The following SLC8A1 variants were observed in gnomAD, a reference collection of about 807,000 sequenced individuals.
SLC8A1 encodes the protein solute carrier family 8 member A1.
SLC8A1 carries 18 observed loss-of-function variants against 68.3 expected under a neutral mutation model. The observed-to-expected ratio is 0.26, with a 90% confidence interval of 0.18 to 0.39. The LOEUF (loss-of-function observed/expected upper bound fraction) is 0.39, where lower values mean the gene tolerates loss of function less well. Among genes scored for constraint, SLC8A1 ranks in the 10% least tolerant of loss-of-function variants. The pLI is 1.00. For synonymous variants in SLC8A1, 475 were observed against 415.5 expected, an observed-to-expected ratio of 1.14 and a Z score of -1.74; for missense variants, 985 against 1,156.7, an observed-to-expected ratio of 0.85 and a Z score of 2.15.
At chr2:40,324,392 G>C (rs1389963321) in intron 2 of SLC8A1, among the ~76,000 whole-genome samples, 3 of 152,114 alleles carry the variant, frequency 2.0e-5, no homozygotes, top group Non-Finnish European at 4.4e-5. Context: ...CTATTTCAGA[G>C]GCACTTCCTA....
At chr2:40,347,039 A>C (rs929990492) in intron 2 of SLC8A1, among the ~76,000 whole-genome samples, 1 of 152,216 alleles carries the variant, frequency 6.6e-6, no homozygotes, top group African/African-American at 2.4e-5. Context: ...TGTGACAGAA[A>C]TGCTTCCATA....
chr2:40,371,279 G>C (rs888494614), intron 2 of SLC8A1, among the ~76,000 whole-genome samples: 4 of 152,064 alleles, frequency 2.6e-5, no homozygotes, highest in Admixed American at 2.6e-4. Flanking sequence ...AATTGCTCAA[G>C]TTAAATCCCT....
At chr2:40,352,216 T>C (rs539992773) in intron 2 of SLC8A1, among the ~76,000 whole-genome samples, 12 of 152,306 alleles carry the variant, frequency 7.9e-5, no homozygotes, top group African/African-American at 2.9e-4. Flanking sequence ...CAGTGTGTCA[T>C]GTGAACAATT....
intron 1 of SLC8A1, among the ~76,000 whole-genome samples, chr2:40,430,618 A>G (rs950267718): frequency 1.3e-5 from 2 of 152,220 alleles, no homozygotes; most frequent in African/African-American, 4.8e-5. Flanking sequence ...TTCAATTTAT[A>G]TAGCCTTGCC....
At chr2:40,290,362 C>A (rs2069082408) in intron 2 of SLC8A1, among the ~76,000 whole-genome samples, 1 of 152,092 alleles carries the variant, frequency 6.6e-6, no homozygotes, top group Non-Finnish European at 1.5e-5. Flanking sequence ...CTGATTCTCA[C>A]AAAGTTCGGA....
chr2:40,262,433 A>G (rs1663763311), intron 2 of SLC8A1, among the ~76,000 whole-genome samples: 1 of 152,210 alleles, frequency 6.6e-6, no homozygotes, highest in Non-Finnish European at 1.5e-5. Flanking sequence ...TGGACTGAAT[A>G]AGATCAGCTG....
intron 2 of SLC8A1, among the ~76,000 whole-genome samples, chr2:40,334,422 C>A (rs1020711488): frequency 1.4e-4 from 21 of 152,092 alleles, no homozygotes; most frequent in Admixed American, 7.9e-4. Flanking sequence ...TGGACAATGA[C>A]AATATTTTTT....
At chr2:40,243,319 C>T (rs146590861) in intron 2 of SLC8A1, among the ~76,000 whole-genome samples, 12 of 152,130 alleles carry the variant, frequency 7.9e-5, no homozygotes, top group Admixed American at 7.2e-4. Flanking sequence ...CCTGCCTCTA[C>T]CAAAAATACA....
At chr2:40,136,176 G>A (rs1387617097) in intron 7 of SLC8A1, among the ~76,000 whole-genome samples, 3 of 152,156 alleles carry the variant, frequency 2.0e-5, no homozygotes, top group Non-Finnish European at 4.4e-5. Flanking sequence ...AGAGAAGTAA[G>A]TCTGAAAAAT....
intron 1 of SLC8A1, among the ~76,000 whole-genome samples, chr2:40,482,892 G>C (rs922496192): frequency 6.8e-6 from 1 of 148,026 alleles, no homozygotes; most frequent in Non-Finnish European, 1.5e-5. Context: ...CCGGGTTCAC[G>C]CCATTCTCCC....
At chr2:40,167,412 T>G (rs1236033648) in intron 4 of SLC8A1, among the ~76,000 whole-genome samples, 1 of 152,216 alleles carries the variant, frequency 6.6e-6, no homozygotes, top group African/African-American at 2.4e-5. Context: ...GTTAGTGACT[T>G]AAAGTTTTCT....
intron 1 of SLC8A1, among the ~76,000 whole-genome samples, chr2:40,484,800 G>C (rs963452877): frequency 3.1e-4 from 47 of 152,228 alleles, no homozygotes; most frequent in African/African-American, 9.9e-4. Context: ...CACTAACACA[G>C]AGGAGCTGGT....
At chr2:40,377,980 G>C (rs1325105433) in intron 2 of SLC8A1, among the ~76,000 whole-genome samples, 3 of 152,042 alleles carry the variant, frequency 2.0e-5, no homozygotes, top group Non-Finnish European at 4.4e-5. Context: ...CATTTCACAG[G>C]TTTTAAAGAA....
intron 7 of SLC8A1, among the ~76,000 whole-genome samples, chr2:40,136,395 T>C (rs2040500661): frequency 1.3e-5 from 2 of 152,198 alleles, no homozygotes; most frequent in African/African-American, 2.4e-5. Flanking sequence ...TTGAATAGTA[T>C]GGTAAAAACA....
chr2:40,469,591 T>C (rs1489063949), intron 1 of SLC8A1, among the ~76,000 whole-genome samples: 2 of 149,644 alleles, frequency 1.3e-5, no homozygotes, highest in Non-Finnish European at 1.5e-5. Flanking sequence ...CTCATCCTTT[T>C]TATTTTTATT....
At chr2:40,429,186 G>T (rs1176285124) in exon 2 of SLC8A1, 4 of 1,613,694 alleles carry the variant, frequency 2.5e-6, no homozygotes, top group Non-Finnish European at 3.4e-6. Flanking sequence ...TAGCTTGAAT[G>T]CGATAAAATG....
intron 2 of SLC8A1, among the ~76,000 whole-genome samples, chr2:40,243,925 G>A (rs1320752827): frequency 6.6e-6 from 1 of 152,166 alleles, no homozygotes; most frequent in African/African-American, 2.4e-5. Flanking sequence ...ACTTGAAACT[G>A]GAGCAACGTA....
At chr2:40,248,529 T>C (rs760648966) in intron 2 of SLC8A1, among the ~76,000 whole-genome samples, 4 of 152,248 alleles carry the variant, frequency 2.6e-5, no homozygotes, top group African/African-American at 9.6e-5. Flanking sequence ...CCTTGGACTT[T>C]CTAGCCTCTG....
chr2:40,362,377 G>A (rs1380181871), intron 2 of SLC8A1, among the ~76,000 whole-genome samples: 1 of 151,756 alleles, frequency 6.6e-6, no homozygotes, highest in East Asian at 1.9e-4. Flanking sequence ...TACTTAAAAA[G>A]GTATACAGGT....
Sources: allele counts gnomAD v4.1 joint callset (sites outside exome capture counted in the v4.1 genomes callset), GRCh38; gene constraint gnomAD v4.1.1; transcripts MANE v1.5; gene names NCBI Gene and HGNC (gene_info 2026-07-23, HGNC 2026-07-21).